Variants in TMCO4 observed in about 807,000 individuals in gnomAD.
The protein encoded by TMCO4 is transmembrane and coiled-coil domains 4, also known as transmembrane and coiled-coil domain-containing protein 4.
Under a neutral mutation model 64.7 loss-of-function variants are expected in TMCO4, and 58 were observed. The observed-to-expected ratio is 0.90, with a 90% CI of 0.73 to 1.12. TMCO4 has a LOEUF of 1.12. Among genes scored for constraint, TMCO4 ranks in the 50% most tolerant of loss-of-function variants. The probability of loss-of-function intolerance (pLI) is 0.00; values close to 1 mark genes in which losing one functional copy is unlikely to be tolerated. For synonymous variants in TMCO4, 325 were observed against 346.1 expected (o/e 0.94, Z 0.68); for missense variants, 780 against 825.9 (o/e 0.94, Z 0.68).
At chr1:19,719,241 T>C (rs1266156018) in intron 13 of TMCO4, among the ~76,000 whole-genome samples, 2 of 152,158 alleles carry the variant, frequency 1.3e-5, no homozygotes, top group African/African-American at 4.8e-5. Flanking sequence ...TGGCTAATTA[T>C]GTTTGAACCT....
chr1:19,699,368 C>T (rs1190356088), intron 14 of TMCO4, among the ~76,000 whole-genome samples: 1 of 151,820 alleles, frequency 6.6e-6, no homozygotes, highest in East Asian at 1.9e-4. Flanking sequence ...GGTGGGGACA[C>T]TGAATTCAGG....
chr1:19,726,409 A>G (rs1316106200), intron 13 of TMCO4, among the ~76,000 whole-genome samples: 1 of 151,646 alleles, frequency 6.6e-6, no homozygotes, highest in Non-Finnish European at 1.5e-5. Context: ...GGTTGCAGTG[A>G]GCCGAGGTCG....
chr1:19,700,973 G>A, intron 13 of TMCO4, 88 bp from the exon 14 acceptor site: 2 of 1,011,662 alleles, frequency 2.0e-6, no homozygotes, highest in Non-Finnish European at 3.1e-6. Context: ...GGAGATGAAT[G>A]TCACACACAT....
At chr1:19,693,210 C>T (rs1283519003) in intron 15 of TMCO4, among the ~76,000 whole-genome samples, 2 of 132,888 alleles carry the variant, frequency 1.5e-5, no homozygotes, top group Non-Finnish European at 3.1e-5. Context: ...AGGCCAGGCA[C>T]GGTGGCTCAT....
At chr1:19,783,557 A>G (rs1408599474) in intron 3 of TMCO4, among the ~76,000 whole-genome samples, 2 of 152,232 alleles carry the variant, frequency 1.3e-5, no homozygotes, top group Non-Finnish European at 2.9e-5. Context: ...ACAAACCAAC[A>G]CTTTTACAGC....
At chr1:19,797,968 GAAAAGAAAAGA>G (rs1361151374) in intron 2 of TMCO4, 158 bp downstream of exon 2, 2 of 117,262 alleles carry the variant, frequency 1.7e-5, no homozygotes, top group African/African-American at 8.8e-5. Context: ...GAAAAGAAAA[GAAAAGAAAAGA>G]AAAGAAAAGA....
chr1:19,733,825 C>T (rs931961848), intron 13 of TMCO4, among the ~76,000 whole-genome samples: 1 of 152,104 alleles, frequency 6.6e-6, no homozygotes, highest in Non-Finnish European at 1.5e-5. Flanking sequence ...GTGAAGATCG[C>T]ACAATCTCCA....
intron 2 of TMCO4, among the ~76,000 whole-genome samples, chr1:19,796,668 G>A (rs1318109090): frequency 2.0e-5 from 3 of 152,020 alleles, no homozygotes; most frequent in African/African-American, 4.8e-5. Flanking sequence ...TCCACCTCCC[G>A]GATTCAAGCG....
chr1:19,745,715 C>T, intron 9 of TMCO4, 64 bp from the exon 10 acceptor site: 1 of 1,546,770 alleles, frequency 6.5e-7, no homozygotes, highest in South Asian at 1.2e-5. Context: ...ATCAGGGTGG[C>T]TGTATGTTCT....
intron 15 of TMCO4, among the ~76,000 whole-genome samples, chr1:19,693,896 G>A (rs1883566): frequency 2.0e-5 from 3 of 151,832 alleles, no homozygotes; most frequent in African/African-American, 7.3e-5. Flanking sequence ...AGCCCTGGGT[G>A]GGGGGGACTC....
At chr1:19,755,950 G>T (rs1243403177) in intron 6 of TMCO4, among the ~76,000 whole-genome samples, 184 bp from the exon 7 acceptor site, 1 of 152,066 alleles carries the variant, frequency 6.6e-6, no homozygotes, top group Non-Finnish European at 1.5e-5. Context: ...AAAATATTCA[G>T]CAAAAGCAAG....
chr1:19,686,202 C>T (rs1264145479), intron 15 of TMCO4, among the ~76,000 whole-genome samples: 2 of 152,218 alleles, frequency 1.3e-5, no homozygotes, highest in Non-Finnish European at 2.9e-5. Context: ...GCCTGAGATG[C>T]TGCCTGCAGA....
At chr1:19,687,181 A>G (rs2095156117) in intron 15 of TMCO4, among the ~76,000 whole-genome samples, 3 of 152,092 alleles carry the variant, frequency 2.0e-5, no homozygotes. Flanking sequence ...CGGACTCCCA[A>G]CCTCAGGTGA....
intron 13 of TMCO4, among the ~76,000 whole-genome samples, chr1:19,708,471 G>C (rs2095313783): frequency 6.6e-6 from 1 of 151,224 alleles, no homozygotes; most frequent in South Asian, 2.1e-4. Flanking sequence ...GCTCACACTA[G>C]AGCCTTGATC....
rs139514576 is a variant in TMCO4 at position 19,695,641 on chromosome 1, A to G, written c.1383-1090T>C. ...CCCTGTCTATGTGCCCTGCTGTGTG[A>G]CCACAGGCAAGTCCCCCACCTGTCT... On this transcript the variant is annotated intron_variant, in intron 14 of 15. Transcript: ENST00000294543. Among the ~76,000 whole-genome samples the G allele has an allele frequency of 5.1e-3, 770 of 152,106 alleles. 7 individuals carry two copies. Among genetic ancestry groups the G allele is most frequent in the African/African-American group, 0.018 (726 of 41,478 alleles).
At chr1:19,700,653 G>C (rs2095265789) in intron 14 of TMCO4, 115 bp downstream of exon 14, 4 of 1,013,574 alleles carry the variant, frequency 3.9e-6, no homozygotes, top group Non-Finnish European at 5.9e-6. Context: ...CCGGTTCCTG[G>C]GATCTTCCAG....
In TMCO4 at chr1:19,700,807, C is replaced by T. The variant is rs761149984; in HGVS notation, c.1343G>A (p.Arg448Gln). 22 of 1,614,100 alleles carry T rather than the reference C, an allele frequency of 1.4e-5. No homozygotes were observed. The highest frequency in any genetic ancestry group is 6.7e-5 in the East Asian group (3 of 44,896). The change falls in exon 14 of 16, where the codon CGG (arginine) becomes CAG (glutamine). Residue 448 changes from arginine (R) to glutamine (Q), a missense_variant. Coordinates refer to ENST00000294543, the MANE Select transcript of TMCO4 (RefSeq NM_181719.7). ...EGEAKHWEPFRKVVSGRIING... is the reference protein window; with the variant it reads ...EGEAKHWEPFQKVVSGRIING... ...GATGATCCTCCCGGACACCACCTTCCGGAAAGGCTCCCAATGCTTGGCTTC... is the reference window on the plus strand; with the variant it reads ...GATGATCCTCCCGGACACCACCTTCTGGAAAGGCTCCCAATGCTTGGCTTC...
chr1:19,700,873 A>T lies in TMCO4; in HGVS notation c.1277T>A (p.Ile426Asn). ...EMAQEKDCQGIIEDVILLGAP... is the reference protein window; with the variant it reads ...EMAQEKDCQGNIEDVILLGAP... ...ACCCAGCAGGATGACGTCCTCGATG[A>T]TTCCTTGGCAATCTGGCAAAAGACC... The change falls in exon 14 of 16, where the codon ATC becomes AAC. Residue 426 changes from isoleucine to asparagine, a missense_variant. Coordinates refer to ENST00000294543, the MANE Select transcript of TMCO4 (RefSeq NM_181719.7). 1 of 1,614,188 alleles carries T rather than the reference A, an allele frequency of 6.2e-7. No homozygotes were observed. The highest frequency in any genetic ancestry group is 1.1e-5 in the South Asian group (1 of 91,084).
At chr1:19,703,922 C>T (rs1487433331) in intron 13 of TMCO4, among the ~76,000 whole-genome samples, 4 of 152,182 alleles carry the variant, frequency 2.6e-5, no homozygotes, top group Admixed American at 1.3e-4. Context: ...GAAATGTTCC[C>T]GGCTGGGACA....
Sources: allele counts gnomAD v4.1 joint callset (sites outside exome capture counted in the v4.1 genomes callset), GRCh38; gene constraint gnomAD v4.1.1; transcripts MANE v1.5; gene names NCBI Gene and HGNC (gene_info 2026-07-23, HGNC 2026-07-21).